The following NCALD variants were observed in gnomAD, a reference collection of about 807,000 sequenced individuals.
NCALD encodes the protein neurocalcin delta.
Under a neutral mutation model 18.6 loss-of-function variants are expected in NCALD, and 10 were observed. The observed-to-expected ratio is 0.54, with a 90% CI of 0.33 to 0.91. The LOEUF (loss-of-function observed/expected upper bound fraction) is 0.91. NCALD is among the 40% of genes least tolerant of loss of function. The pLI is 0.03. For synonymous variants in NCALD, 88 were observed against 87.4 expected (o/e 1.01, Z -0.04); for missense variants, 184 against 247.6 (o/e 0.74, Z 1.72).
At chr8:102,117,452 C>T (rs17508196) in intron 1 of NCALD, among the ~76,000 whole-genome samples, 2,136 of 152,252 alleles carry the variant, frequency 0.014, 19 homozygotes, top group Non-Finnish European at 0.022. Flanking sequence ...CCTCGGCATC[C>T]GCCAGCTCAT....
At chr8:101,925,301 C>A (rs538646405) in intron 2 of NCALD, among the ~76,000 whole-genome samples, 1 of 152,062 alleles carries the variant, frequency 6.6e-6, no homozygotes, top group South Asian at 2.1e-4. Flanking sequence ...TGTATTTATC[C>A]ATTCATTGAA....
chr8:101,725,140 C>A (rs575264332), intron 1 of NCALD, among the ~76,000 whole-genome samples: 56 of 152,138 alleles, frequency 3.7e-4, no homozygotes, highest in Admixed American at 6.5e-4. Flanking sequence ...AAACCATGAC[C>A]CTAAATAAGA....
chr8:101,828,481 T>C (rs1427393737), intron 4 of NCALD, among the ~76,000 whole-genome samples: 5 of 152,082 alleles, frequency 3.3e-5, no homozygotes, highest in African/African-American at 4.8e-5. Flanking sequence ...CTATTTGGGG[T>C]CTGTATTCTC....
At chr8:102,107,348 A>C (rs921262543) in intron 1 of NCALD, among the ~76,000 whole-genome samples, 1 of 151,496 alleles carries the variant, frequency 6.6e-6, no homozygotes, top group Non-Finnish European at 1.5e-5. Context: ...AAAAAGTAAG[A>C]GTCTTTAACA....
chr8:101,700,812 AAAC>A (rs997003209), intron 2 of NCALD, among the ~76,000 whole-genome samples: 4 of 152,202 alleles, frequency 2.6e-5, no homozygotes, highest in Non-Finnish European at 5.9e-5. Context: ...TTAATACAAC[AAAC>A]AACTCCCACT....
intron 1 of NCALD, among the ~76,000 whole-genome samples, chr8:102,088,484 G>A (rs1563607361): frequency 6.6e-6 from 1 of 151,986 alleles, no homozygotes; most frequent in Non-Finnish European, 1.5e-5. Context: ...ATTAAAAGTG[G>A]GTATTCAAGT....
At chr8:102,121,499 C>A (rs573947253) in intron 1 of NCALD, among the ~76,000 whole-genome samples, 1 of 152,120 alleles carries the variant, frequency 6.6e-6, no homozygotes, top group African/African-American at 2.4e-5. Context: ...ATACCAATAC[C>A]AGGCAATCTG....
intron 1 of NCALD, among the ~76,000 whole-genome samples, chr8:102,085,096 G>A (rs1824693328): frequency 6.6e-6 from 1 of 152,026 alleles, no homozygotes; most frequent in Admixed American, 6.6e-5. Context: ...CTGGTTGGAT[G>A]GAAGGCAGAA....
intron 1 of NCALD, among the ~76,000 whole-genome samples, chr8:102,075,693 G>A (rs1006171798): frequency 1.3e-4 from 20 of 152,190 alleles, no homozygotes; most frequent in African/African-American, 4.8e-4. Flanking sequence ...GGTAGCTCAT[G>A]CCTGTAATCC....
chr8:101,900,946 T>C (rs1197131121), intron 3 of NCALD, among the ~76,000 whole-genome samples: 1 of 152,060 alleles, frequency 6.6e-6, no homozygotes, highest in Non-Finnish European at 1.5e-5. Flanking sequence ...TTAACTCTTA[T>C]TATGAATTTG....
At chr8:101,926,493 T>A (rs1238478001) in intron 2 of NCALD, among the ~76,000 whole-genome samples, 1 of 152,214 alleles carries the variant, frequency 6.6e-6, no homozygotes, top group Non-Finnish European at 1.5e-5. Flanking sequence ...GCTCTTTATA[T>A]GAGTTATCCA....
chr8:101,728,711 T>C (rs564271340), intron 1 of NCALD, among the ~76,000 whole-genome samples: 11 of 152,278 alleles, frequency 7.2e-5, no homozygotes, highest in African/African-American at 2.4e-4. Flanking sequence ...TCCCAGCTCC[T>C]TGGGAGTCTG....
intron 1 of NCALD, among the ~76,000 whole-genome samples, chr8:101,735,094 G>A (rs1284308415): frequency 6.6e-6 from 1 of 152,168 alleles, no homozygotes; most frequent in Non-Finnish European, 1.5e-5. Context: ...TGGGAGGATG[G>A]ATGTTGGGGT....
In NCALD at chr8:102,067,075, A is replaced by C. The variant is rs866117493; in HGVS notation, c.-209-46786T>G. ...ACTGAAAGAAATCTTTCAGATTCTA[A>C]AAATGGAAATGATAAAATTATCTCC... On this transcript the variant is annotated intron_variant, in intron 1 of 6. Transcript: ENST00000311028. Among the ~76,000 whole-genome samples, 3 of 152,260 alleles carry C rather than the reference A, an allele frequency of 2.0e-5. No individual in the cohort carries two copies. The South Asian group carries it at 6.2e-4, about 31-fold the overall frequency.
At chr8:101,855,449 C>T (rs1259899624) in intron 4 of NCALD, among the ~76,000 whole-genome samples, 1 of 152,108 alleles carries the variant, frequency 6.6e-6, no homozygotes, top group Non-Finnish European at 1.5e-5. Flanking sequence ...GCCATTTGTA[C>T]CCATAGAGGA....
intron 2 of NCALD, among the ~76,000 whole-genome samples, chr8:101,932,453 C>G (rs535403764): frequency 2.1e-4 from 32 of 152,310 alleles, no homozygotes; most frequent in Admixed American, 3.3e-4. Context: ...ATAACCCTTT[C>G]CATTCCCCCT....
chr8:102,095,852 T>A (rs1483193080), intron 1 of NCALD, among the ~76,000 whole-genome samples: 2 of 152,236 alleles, frequency 1.3e-5, no homozygotes, highest in African/African-American at 4.8e-5. Context: ...AGTTATAACA[T>A]CCTGTTAGAC....
chr8:101,808,692 A>T (rs570586081), intron 4 of NCALD, among the ~76,000 whole-genome samples: 2 of 152,226 alleles, frequency 1.3e-5, no homozygotes, highest in Admixed American at 1.3e-4. Flanking sequence ...TTTTTATGTT[A>T]ATTCCTTTTA....
chr8:101,909,651 C>T (rs1336848692), intron 3 of NCALD, among the ~76,000 whole-genome samples: 1 of 152,284 alleles, frequency 6.6e-6, no homozygotes, highest in South Asian at 2.1e-4. Flanking sequence ...AGAAAATGAG[C>T]CTCTGAAATT....
Sources: gnomAD v4.1 joint callset for allele counts (sites outside exome capture counted in the v4.1 genomes callset) on GRCh38, gnomAD v4.1.1 for gene constraint, MANE v1.5 for transcripts, NCBI Gene and HGNC (gene_info 2026-07-23, HGNC 2026-07-21) for gene names.